Variants in ZNF107 observed in about 807,000 individuals in gnomAD.
The protein encoded by ZNF107 is C2H2 type zinc-finger protein.
A neutral mutation model predicts 12.3 loss-of-function variants in ZNF107; 19 were observed. That is an observed-to-expected ratio of 1.55 (90% CI 1.08 to 2.27). ZNF107 has a LOEUF of 2.27. Among genes scored for constraint, ZNF107 ranks in the 30% most tolerant of loss-of-function variants. ZNF107 has a pLI of 0.00. For missense variants in ZNF107, 958 were observed against 979.9 expected, an observed-to-expected ratio of 0.98 and a Z score of 0.30; for synonymous variants, 317 against 330.5, an observed-to-expected ratio of 0.96 and a Z score of 0.44.
rs768609032 is a variant in ZNF107 at position 64,711,332 on chromosome 7, T to A, written c.*2676T>A. 2.6e-5 allele frequency: 4 copies of A among 152,224 alleles called. No individual in the cohort carries two copies. Among genetic ancestry groups the A allele is most frequent in the Non-Finnish European group, 5.9e-5 (4 of 68,024 alleles). The allele number at this position is 152,224 out of a possible 1,614,324, so 9.4% of individuals were successfully genotyped here. A position where few individuals can be genotyped will look rare whatever the true frequency, so the allele number is the denominator to read the frequency against. Reference sequence around the variant, plus strand: ...TTTGTGGATACATAGTATGTGTATATCTTTATGCCATGTATGGCATATTTT... The same window carrying A: ...TTTGTGGATACATAGTATGTGTATAACTTTATGCCATGTATGGCATATTTT... On this transcript the variant is annotated 3_prime_UTR_variant, in exon 4 of 4. Transcript: ENST00000620827.
rs1407525704 is a variant in ZNF107 at position 64,710,953 on chromosome 7, A to G, written c.*2297A>G. On this transcript the variant is annotated 3_prime_UTR_variant, in exon 4 of 4. Transcript: ENST00000620827. ...AGAAAACCATTTTTAATCTTAGTTA[A>G]AATTAAAGTGAATTAGTAGTATATC... The G allele has an allele frequency of 6.6e-6, 1 of 152,192 alleles. No individual in the cohort carries two copies. The highest frequency in any genetic ancestry group is 1.5e-5 in the Non-Finnish European group (1 of 68,002). The allele number at this position is 152,192 out of a possible 1,614,324, so 9.4% of individuals were successfully genotyped here.
At chr7:64,681,597 C>T (rs1444757137) in intron 1 of ZNF107, among the ~76,000 whole-genome samples, 1 of 152,060 alleles carries the variant, frequency 6.6e-6, no homozygotes, top group Non-Finnish European at 1.5e-5. Flanking sequence ...TCCCTTGCTA[C>T]AGATCACTCC....
intron 1 of ZNF107, among the ~76,000 whole-genome samples, chr7:64,676,541 T>C (rs1441680625): frequency 1.3e-5 from 2 of 152,198 alleles, no homozygotes; most frequent in Non-Finnish European, 2.9e-5. Flanking sequence ...GCTTTATTCA[T>C]GTGCACCTGT....
Position 64,707,019 on chromosome 7 carries a change from A to T in ZNF107, c.922A>T (p.Thr308Ser), listed in dbSNP as rs774863308. Residue 308 changes from threonine (T) to serine (S), a missense_variant, in exon 4 of 4, where the codon ACT becomes TCT. Thr to Ser is a moderately conservative substitution (Grantham distance 58). Transcript: ENST00000620827. The part of the protein sequence containing the change: ...SHLTTQKILH[T>S]GENLYKCKEC... ...CCTTACTACACAAAAGATACTTCAC[A>T]CTGGAGAGAACCTCTACAAGTGTAA... 19 of 1,613,392 alleles carry T rather than the reference A, an allele frequency of 1.2e-5. No homozygotes were observed. Among genetic ancestry groups the T allele is most frequent in the Non-Finnish European group, 1.6e-5 (19 of 1,179,740 alleles).
At chr7:64,703,026 CTAA>C (rs1790527589) in intron 3 of ZNF107, among the ~76,000 whole-genome samples, 1 of 151,938 alleles carries the variant, frequency 6.6e-6, no homozygotes, top group Non-Finnish European at 1.5e-5. Context: ...TATTCTTCTT[CTAA>C]TATTTCTTTC....
chr7:64,708,480 G>A lies in ZNF107; in HGVS notation c.2383G>A (p.Gly795Ser), dbSNP rs1790771214. 1 of 1,612,834 alleles carries A rather than the reference G, an allele frequency of 6.2e-7. No individual in the cohort carries two copies. Among genetic ancestry groups the A allele is most frequent in the Non-Finnish European group, 8.5e-7 (1 of 1,179,622 alleles). Residue 795 changes from glycine (G) to serine (S), a missense_variant, in exon 4 of 4, where the codon GGC becomes AGC. Coordinates refer to ENST00000620827, the MANE Select transcript of ZNF107 (RefSeq NM_001282359.2). ...GAAACCCTACAAATGTGAAGAATGT[G>A]GCAAATCCTTTAACCAGTTCTCATC... ...SEKPYKCEEC[G>S]KSFNQFSSLN...
intron 1 of ZNF107, chr7:64,690,650 AT>A (rs1346948945): frequency 1.2e-4 from 67 of 575,582 alleles, no homozygotes; most frequent in Non-Finnish European, 1.3e-4. Context: ...TCACAAAAAA[AT>A]AAACACAGTG....
At chr7:64,684,084 C>T (rs1042016529) in intron 1 of ZNF107, among the ~76,000 whole-genome samples, 1 of 152,172 alleles carries the variant, frequency 6.6e-6, no homozygotes, top group Non-Finnish European at 1.5e-5. Context: ...CCTCATTCCT[C>T]AGGAAAGGTT....
At chr7:64,667,611 TG>T (rs1173937920) in intron 1 of ZNF107, among the ~76,000 whole-genome samples, 1 of 152,164 alleles carries the variant, frequency 6.6e-6, no homozygotes, top group Admixed American at 6.5e-5. Flanking sequence ...CAACTGTGGC[TG>T]TGTATGCTAG....
chr7:64,668,562 G>A (rs1789098751), intron 1 of ZNF107, among the ~76,000 whole-genome samples: 1 of 151,686 alleles, frequency 6.6e-6, no homozygotes, highest in South Asian at 2.1e-4. Context: ...TTTGATTTCA[G>A]TTTTATAACT....
At chr7:64,683,934 C>A (rs1380565981) in intron 1 of ZNF107, among the ~76,000 whole-genome samples, 1 of 152,184 alleles carries the variant, frequency 6.6e-6, no homozygotes, top group Non-Finnish European at 1.5e-5. Flanking sequence ...GTTTTTACCT[C>A]TCTTCTAACA....
At chr7:64,682,779 A>G (rs930050432) in intron 1 of ZNF107, among the ~76,000 whole-genome samples, 2 of 151,906 alleles carry the variant, frequency 1.3e-5, no homozygotes, top group Non-Finnish European at 2.9e-5. Flanking sequence ...CTCTCACCTC[A>G]CACAACTACT....
chr7:64,690,393 A>G (rs1242147855), intron 1 of ZNF107: 8 of 985,252 alleles, frequency 8.1e-6, no homozygotes, highest in East Asian at 2.3e-4. Flanking sequence ...TGGAGGCTTT[A>G]TTTAGGTCTG....
intron 1 of ZNF107, among the ~76,000 whole-genome samples, chr7:64,684,015 T>C (rs1354885973): frequency 6.6e-6 from 1 of 152,086 alleles, no homozygotes; most frequent in African/African-American, 2.4e-5. Flanking sequence ...ATTAGCCAAA[T>C]CACCCAGGCA....
In ZNF107 at chr7:64,706,819, C is replaced by G. The variant is rs559069198; in HGVS notation, c.722C>G (p.Ser241Cys). 4 of 1,613,332 alleles carry G rather than the reference C, an allele frequency of 2.5e-6. No individual in the cohort carries two copies. The highest frequency in any genetic ancestry group is 2.5e-6 in the Non-Finnish European group (3 of 1,179,738). ...CEECGKAFNQ[S>C]SQLTRHKIIH... is the part of the protein sequence containing the mutation. ...GAATGTGGCAAAGCCTTTAACCAGT[C>G]CTCACAACTTACTAGGCATAAGATA... The change falls in exon 4 of 4, where the codon TCC (serine) becomes TGC (cysteine). Residue 241 changes from serine (S) to cysteine (C), a missense_variant. Coordinates refer to ENST00000620827, the MANE Select transcript of ZNF107 (RefSeq NM_001282359.2).
rs961233792 is a variant in ZNF107 at position 64,685,428 on chromosome 7, C to T, written c.4-5820C>T. 3.9e-5 allele frequency among the ~76,000 whole-genome samples: 6 copies of T among 152,140 alleles called. No homozygotes were observed. The South Asian group carries it at 6.2e-4, about 16-fold the overall frequency. ...GCACCTCTCTGCTTAACAAACAATC[C>T]GGGTTTTGTAATGGCAGGCATACGC... is the stretch of plus-strand genomic sequence containing the variant. On this transcript the variant is annotated intron_variant, in intron 1 of 3. Transcript: ENST00000620827.
chr7:64,690,603 G>A (rs1790083838), intron 1 of ZNF107: 3 of 906,154 alleles, frequency 3.3e-6, no homozygotes, highest in Non-Finnish European at 4.0e-6. Flanking sequence ...TTAGCAATGT[G>A]TTTTCTATTC....
In ZNF107 at chr7:64,691,867, A is replaced by G; in HGVS notation, c.133A>G (p.Ile45Val). The G allele has an allele frequency of 1.4e-6, 2 of 1,435,768 alleles. No individual in the cohort carries two copies. Among genetic ancestry groups the G allele is most frequent in the South Asian group, 1.6e-5 (1 of 63,722 alleles). The allele number at this position is 1,435,768 out of a possible 1,614,324, so 88.9% of individuals were successfully genotyped here. A position where few individuals can be genotyped will look rare whatever the true frequency, so the allele number is the denominator to read the frequency against. ...ENYRNLVFLG[I>V]AVSKPYLITC... ...TATATTTATTTTCAATAAAACAGGTATTGCTGTCTCTAAGCCATATCTGAT... is the reference window on the plus strand; with the variant it reads ...TATATTTATTTTCAATAAAACAGGTGTTGCTGTCTCTAAGCCATATCTGAT... The change falls in exon 3 of 4, where the codon ATT (isoleucine) becomes GTT (valine). Residue 45 changes from isoleucine to valine, a missense_variant and splice_region_variant. Ile to Val is a conservative substitution (Grantham distance 29). Coordinates refer to ENST00000620827, the MANE Select transcript of ZNF107 (RefSeq NM_001282359.2).
intron 1 of ZNF107, among the ~76,000 whole-genome samples, chr7:64,669,588 G>A (rs1323237355): frequency 6.6e-6 from 1 of 152,170 alleles, no homozygotes; most frequent in East Asian, 2.0e-4. Context: ...GAGGTCAAGA[G>A]TTCAAGACCA....
Sources: gnomAD v4.1 joint callset for allele counts (sites outside exome capture counted in the v4.1 genomes callset) on GRCh38, gnomAD v4.1.1 for gene constraint, MANE v1.5 for transcripts, NCBI Gene and HGNC (gene_info 2026-07-23, HGNC 2026-07-21) for gene names.